Variants in ATP10A observed in about 807,000 individuals in gnomAD.
ATP10A encodes the protein ATPase phospholipid transporting 10A (putative), also known as phospholipid-transporting ATPase VA.
A neutral mutation model predicts 147.8 loss-of-function variants in ATP10A; 111 were observed. The ratio of observed to expected loss-of-function variants is 0.75; its 90% confidence interval spans 0.64 to 0.88. The LOEUF (loss-of-function observed/expected upper bound fraction) is 0.88, where lower values mean the gene tolerates loss of function less well. Ranked by LOEUF, ATP10A falls within the 40% of genes least tolerant of loss-of-function variation. The pLI is 0.00. For synonymous variants in ATP10A, 875 were observed against 841.6 expected (o/e 1.04, Z -0.69); for missense variants, 1,927 against 1,959.0 (o/e 0.98, Z 0.31).
chr15:25,840,048 C>G (rs886404942), intron 1 of ATP10A, among the ~76,000 whole-genome samples: 1 of 152,198 alleles, frequency 6.6e-6, no homozygotes, highest in Non-Finnish European at 1.5e-5. Context: ...GCCACGTTCA[C>G]CCCCTCCTGC....
intron 2 of ATP10A, among the ~76,000 whole-genome samples, chr15:25,774,281 T>C (rs1204413604): frequency 6.6e-6 from 1 of 152,170 alleles, no homozygotes; most frequent in Non-Finnish European, 1.5e-5. Context: ...AATTTATTCA[T>C]TTAGATCAGA....
intron 3 of ATP10A, among the ~76,000 whole-genome samples, chr15:25,729,291 A>T (rs1409460452): frequency 6.6e-6 from 1 of 152,212 alleles, no homozygotes; most frequent in African/African-American, 2.4e-5. Context: ...GTTCGAGACC[A>T]GCCTGATCAA....
rs139877863 is a variant in ATP10A, at chr15:25,679,650, C to T, written c.4191G>A (p.Ala1397=). The change falls in exon 21 of 21, where the codon GCG becomes GCA. Residue 1397 remains alanine (A), a synonymous_variant. Coordinates refer to ENST00000555815, the MANE Select transcript of ATP10A (RefSeq NM_024490.4). ...GACTCCTCAGGACAGCCTCCCCTGG[C>T]GCAGAGGACATGGGGGCCGGTGCGC... ...GLSAPAPMSS[A]PGEAVLRSPG... The T allele has an allele frequency of 6.0e-5, 97 of 1,613,184 alleles. No individual in the cohort carries two copies. The highest frequency in any genetic ancestry group is 7.1e-5 in the Non-Finnish European group (84 of 1,179,992).
chr15:25,687,532 T>C (rs1899759139), intron 16 of ATP10A, among the ~76,000 whole-genome samples, 171 bp downstream of exon 16: 1 of 151,648 alleles, frequency 6.6e-6, no homozygotes, highest in African/African-American at 2.4e-5. Context: ...ACTCTGAGCC[T>C]ACAGAGTGCA....
intron 13 of ATP10A, 29 bp downstream of exon 13, chr15:25,701,887 G>GGAA: frequency 6.4e-7 from 1 of 1,558,818 alleles, no homozygotes; most frequent in Non-Finnish European, 8.7e-7. Context: ...CCCAGGGGAA[G>GGAA]GAAGCGGAGC....
intron 2 of ATP10A, 103 bp from the exon 3 acceptor site, chr15:25,736,244 C>A (rs76763121): frequency 2.3e-6 from 2 of 870,884 alleles, no homozygotes; most frequent in Non-Finnish European, 3.8e-6. Flanking sequence ...GCACATTTCA[C>A]GGGGGAAGAA....
chr15:25,730,417 C>T (rs1902910716), intron 3 of ATP10A, among the ~76,000 whole-genome samples: 2 of 152,188 alleles, frequency 1.3e-5, no homozygotes, highest in Non-Finnish European at 2.9e-5. Context: ...TGGCAGTGTC[C>T]CCTGACCAGG....
At chr15:25,864,356 A>G (rs1442230457), upstream of ATP10A, among the ~76,000 whole-genome samples, 1 of 152,194 alleles carries the variant, frequency 6.6e-6, no homozygotes, top group Non-Finnish European at 1.5e-5. Flanking sequence ...GATGAGAAGC[A>G]GTTATTTCTT....
chr15:25,791,228 C>A (rs1478804352), intron 1 of ATP10A, among the ~76,000 whole-genome samples: 2 of 150,612 alleles, frequency 1.3e-5, no homozygotes, highest in African/African-American at 4.9e-5. Context: ...TACAGGCGTG[C>A]CCCACCACAC....
At chr15:25,694,761 G>A in intron 14 of ATP10A, 58 bp downstream of exon 14, 1 of 1,450,972 alleles carries the variant, frequency 6.9e-7, no homozygotes, top group Admixed American at 1.9e-5. Flanking sequence ...AGCATGGAAG[G>A]GTAGAGGAAG....
chr15:25,807,013 C>T (rs181809495), intron 1 of ATP10A, among the ~76,000 whole-genome samples: 8 of 152,140 alleles, frequency 5.3e-5, no homozygotes, highest in African/African-American at 1.2e-4. Flanking sequence ...TTCCATCAAA[C>T]GGAGGGGCAT....
intron 2 of ATP10A, among the ~76,000 whole-genome samples, chr15:25,768,187 C>T (rs977842207): frequency 5.3e-5 from 8 of 152,126 alleles, no homozygotes; most frequent in Non-Finnish European, 1.0e-4. Flanking sequence ...GGACACAGCA[C>T]GCGAGCAGCT....
chr15:25,681,131 A>G (rs1416555500), intron 17 of ATP10A, 57 bp from the exon 18 acceptor site: 18 of 1,542,110 alleles, frequency 1.2e-5, no homozygotes, highest in Non-Finnish European at 4.4e-6. Flanking sequence ...CCTCTGTGAA[A>G]GCAGTTAGAA....
Position 25,725,957 on chromosome 15 carries a change from C to T in ATP10A, c.973G>A (p.Ala325Thr). Residue 325 changes from alanine to threonine, a missense_variant, in exon 5 of 21, where the codon GCA becomes ACA. Ala to Thr is a moderately conservative substitution (Grantham distance 58). Transcript: ENST00000555815. ...LLLVCMSLFS[A>T]VGHGLWIWRY... is the part of the protein sequence containing the mutation. ...ATCCATCTAGGAGACTTACCGACTG[C>T]TGAAAACAGAGACATGCAAACAAGG... 2 of 1,613,174 alleles carry T rather than the reference C, an allele frequency of 1.2e-6. No individual in the cohort carries two copies. The highest frequency in any genetic ancestry group is 1.7e-6 in the Non-Finnish European group (2 of 1,179,428).
intron 10 of ATP10A, among the ~76,000 whole-genome samples, chr15:25,711,991 G>A (rs532539377): frequency 8.5e-5 from 13 of 152,296 alleles, no homozygotes; most frequent in African/African-American, 3.1e-4. Context: ...GGCCACCACT[G>A]TTCCTTTTGC....
Position 25,716,851 on chromosome 15 carries a change from C to G in ATP10A, c.1655G>C (p.Arg552Thr), listed in dbSNP as rs114386230. The change falls in exon 9 of 21, where the codon AGG (arginine) becomes ACG (threonine). Residue 552 changes from arginine to threonine, a missense_variant. Physicochemically the swap from Arg to Thr is moderately conservative, Grantham distance 71. Transcript: ENST00000555815. The stretch of plus-strand genomic sequence containing the variant: ...GTGGGCCAGCAGGTGCTCCTGATGC[C>G]TCGCCACGGCTAGGCTCTTGTCACA... ...SECDKSLAVA[R>T]HQEHLLAHLS... 6.2e-7 allele frequency: 1 copy of G among 1,610,614 alleles called. No homozygotes were observed. The highest frequency in any genetic ancestry group is 1.3e-5 in the African/African-American group (1 of 74,756).
chr15:25,804,225 T>G (rs1371594549), intron 1 of ATP10A, among the ~76,000 whole-genome samples: 1 of 151,524 alleles, frequency 6.6e-6, no homozygotes. Flanking sequence ...TGTGTGTGTG[T>G]CTATATGTGT....
chr15:25,707,893 C>T (rs375559454), intron 12 of ATP10A, 83 bp downstream of exon 12: 52 of 1,554,970 alleles, frequency 3.3e-5, no homozygotes, highest in African/African-American at 3.1e-4. Context: ...GCGGAGCAGC[C>T]GCTGACAAGA....
At chr15:25,697,405 C>T (rs1900399051) in intron 13 of ATP10A, among the ~76,000 whole-genome samples, 3 of 152,274 alleles carry the variant, frequency 2.0e-5, no homozygotes, top group African/African-American at 7.2e-5. Flanking sequence ...AACTTCTTAG[C>T]ATACAAAGAA....
Sources: gnomAD v4.1 joint callset for allele counts (sites outside exome capture counted in the v4.1 genomes callset) on GRCh38, gnomAD v4.1.1 for gene constraint, MANE v1.5 for transcripts, NCBI Gene and HGNC (gene_info 2026-07-23, HGNC 2026-07-21) for gene names.